COL4A6: variants seen among roughly 807,000 people sequenced by gnomAD.
COL4A6 encodes collagen type IV alpha 6 chain, also known as collagen alpha-6(IV) chain.
A neutral mutation model predicts 126.7 loss-of-function variants in COL4A6; 59 were observed. The observed-to-expected ratio is 0.47, with a 90% CI of 0.38 to 0.58. The LOEUF (loss-of-function observed/expected upper bound fraction) is 0.58, where lower values mean the gene tolerates loss of function less well. COL4A6 is among the 20% of genes least tolerant of loss of function. The pLI, the probability that COL4A6 is intolerant of heterozygous loss-of-function variation, is 0.00. For missense variants in COL4A6, 1,285 were observed against 1,337.3 expected, an observed-to-expected ratio of 0.96 and a Z score of 0.61; for synonymous variants, 547 against 496.6, an observed-to-expected ratio of 1.10 and a Z score of -1.35.
At chrX:108,256,199 C>G (rs1180693179) in intron 3 of COL4A6, among the ~76,000 whole-genome samples, 1 of 111,930 alleles carries the variant, frequency 8.9e-6, no homozygotes, top group Non-Finnish European at 1.9e-5. Flanking sequence ...CAGTTTCATT[C>G]TGAAATAAAT....
chrX:108,211,444 A>G (rs888184539), intron 7 of COL4A6, among the ~76,000 whole-genome samples: 6 of 113,303 alleles, frequency 5.3e-5, no homozygotes, highest in Non-Finnish European at 1.1e-4. Context: ...TCTGTCTCCT[A>G]TTTTTGGTCT....
At chrX:108,290,844 G>A (rs757064302) in intron 3 of COL4A6, among the ~76,000 whole-genome samples, 5 of 112,564 alleles carry the variant, frequency 4.4e-5, no homozygotes, top group African/African-American at 1.3e-4. Context: ...TCTGCTACCT[G>A]TGTGACTTTG....
At chrX:108,431,992 G>C (rs756032707) in intron 2 of COL4A6, among the ~76,000 whole-genome samples, 2 of 112,475 alleles carry the variant, frequency 1.8e-5, no homozygotes, top group Admixed American at 1.9e-4. Context: ...ATGTCTTTTT[G>C]TACACCCGCA....
rs142460837 is a variant in COL4A6, at chrX:108,259,215, C to T, written c.145-37841G>A. 3.9e-3 allele frequency among the ~76,000 whole-genome samples: 435 copies of T among 111,177 alleles called. 1 individual carries two copies. The highest frequency in any genetic ancestry group is 0.014 in the African/African-American group (420 of 30,691). On this transcript the variant is annotated intron_variant, in intron 3 of 44. Coordinates refer to ENST00000334504, the MANE Select transcript of COL4A6 (RefSeq NM_033641.4). ...AGTAAGACCCCACAGTTAATCCCAT[C>T]GTTTAAATTAATGGGCTGCTATTTC...
At position 108,174,484 on chromosome X, in the gene COL4A6, C is replaced by T; in HGVS notation, c.3094G>A (p.Gly1032Arg). The T allele has an allele frequency of 8.3e-7, 1 of 1,211,432 alleles. No individual in the cohort carries two copies. The highest frequency in any genetic ancestry group is 1.1e-6 in the Non-Finnish European group (1 of 895,314). The change falls in exon 31 of 45, where the codon GGG becomes AGG. Residue 1032 changes from glycine (G) to arginine (R), a missense_variant. Coordinates refer to ENST00000334504, the MANE Select transcript of COL4A6 (RefSeq NM_033641.4). ...MGIRGLPGLK[G>R]SSGITGFPGM... ...GGGAAACCTGTGATCCCAGAGGACCCCTTCAGGCCAGGTAAGCCCCGGATT... is the reference window on the plus strand; with the variant it reads ...GGGAAACCTGTGATCCCAGAGGACCTCTTCAGGCCAGGTAAGCCCCGGATT...
intron 3 of COL4A6, among the ~76,000 whole-genome samples, chrX:108,265,799 G>C (rs2037286137): frequency 1.8e-5 from 2 of 110,824 alleles, no homozygotes; most frequent in South Asian, 7.7e-4. Context: ...GAAAGACAGG[G>C]CTACCAGATC....
intron 7 of COL4A6, among the ~76,000 whole-genome samples, chrX:108,210,635 T>G (rs1362153373): frequency 4.5e-5 from 5 of 112,225 alleles, no homozygotes; most frequent in African/African-American, 6.5e-5. Context: ...TTACTCCACT[T>G]GGCTTACAGT....
intron 2 of COL4A6, among the ~76,000 whole-genome samples, chrX:108,401,049 T>C (rs185804476): frequency 1.8e-5 from 2 of 111,737 alleles, no homozygotes; most frequent in East Asian, 5.6e-4. Flanking sequence ...ACCCGATGTA[T>C]ATTGTGGTGT....
At chrX:108,281,955 G>A (rs1260736406) in intron 3 of COL4A6, among the ~76,000 whole-genome samples, 1 of 110,114 alleles carries the variant, frequency 9.1e-6, no homozygotes, top group African/African-American at 3.3e-5. Context: ...GTAGAAAGCT[G>A]AAACTGGATC....
At chrX:108,178,373 T>TC (rs1012223103) in intron 27 of COL4A6, among the ~76,000 whole-genome samples, 1 of 111,846 alleles carries the variant, frequency 8.9e-6, no homozygotes, top group Non-Finnish European at 1.9e-5. Context: ...CTAGACTCCC[T>TC]CAACGATGAG....
In COL4A6 at chrX:108,204,632, A is replaced by G; in HGVS notation, c.688-220T>C. ...GTACCAGCACTGCAGAGGGAAGAGC[A>G]AGATGGATAGAAGGAAACTTTAAGT... On this transcript the variant is annotated intron_variant, in intron 11 of 44. Coordinates refer to ENST00000334504, the MANE Select transcript of COL4A6 (RefSeq NM_033641.4). The G allele has an allele frequency of 1.0e-5, 5 of 483,982 alleles. No homozygotes were observed. In the South Asian group the frequency reaches 1.1e-4, roughly 11 times the overall value. 39.9% of individuals were successfully genotyped at this position (483,982 alleles called of 1,213,427 possible).
chrX:108,415,058 T>C (rs1342305860), intron 2 of COL4A6, among the ~76,000 whole-genome samples: 1 of 111,956 alleles, frequency 8.9e-6, no homozygotes, highest in Non-Finnish European at 1.9e-5. Context: ...ATTCCTTTAA[T>C]GTAAACATAC....
chrX:108,190,526 C>G (rs2035007171), intron 19 of COL4A6, 30 bp from the exon 20 acceptor site: 1 of 1,010,750 alleles, frequency 9.9e-7, no homozygotes, highest in Admixed American at 2.3e-5. Flanking sequence ...AAAGGATTAG[C>G]AACTTGTATA....
intron 44 of COL4A6, among the ~76,000 whole-genome samples, chrX:108,158,673 T>C (rs955635746): frequency 1.8e-5 from 2 of 111,863 alleles, no homozygotes; most frequent in Non-Finnish European, 3.8e-5. Flanking sequence ...TACGCTAATG[T>C]TGGGGAGCCT....
chrX:108,379,572 C>T (rs2040520772), intron 2 of COL4A6, among the ~76,000 whole-genome samples: 1 of 107,166 alleles, frequency 9.3e-6, no homozygotes, highest in Non-Finnish European at 1.9e-5. Flanking sequence ...ACTACCTTAC[C>T]TAAACTCTTC....
chrX:108,299,783 G>C, intron 3 of COL4A6, among the ~76,000 whole-genome samples: 1 of 111,894 alleles, frequency 8.9e-6, no homozygotes, highest in East Asian at 2.8e-4. Flanking sequence ...AAGGTGTAAA[G>C]GCTGTCATAG....
chrX:108,316,218 T>C (rs956504510), intron 2 of COL4A6, among the ~76,000 whole-genome samples: 4 of 112,283 alleles, frequency 3.6e-5, no homozygotes, highest in African/African-American at 1.3e-4. Flanking sequence ...ACTGGCTGTG[T>C]ATAATTTTAT....
At chrX:108,416,825 T>A (rs1417273093) in intron 2 of COL4A6, among the ~76,000 whole-genome samples, 1 of 112,022 alleles carries the variant, frequency 8.9e-6, no homozygotes. Context: ...AAGGGCACAA[T>A]CAATGAGGAT....
intron 2 of COL4A6, among the ~76,000 whole-genome samples, chrX:108,342,509 G>A (rs1486459821): frequency 9.0e-6 from 1 of 111,266 alleles, no homozygotes; most frequent in Non-Finnish European, 1.9e-5. Flanking sequence ...CACCCAAAGG[G>A]CCAGGTAACC....
Sources: gnomAD v4.1 joint callset for allele counts (sites outside exome capture counted in the v4.1 genomes callset) on GRCh38, gnomAD v4.1.1 for gene constraint, MANE v1.5 for transcripts, NCBI Gene and HGNC (gene_info 2026-07-23, HGNC 2026-07-21) for gene names.